MSN: variants seen among roughly 807,000 people sequenced by gnomAD.
MSN encodes the protein moesin, also known as epididymis luminal protein 70.
Under a neutral mutation model 48.0 loss-of-function variants are expected in MSN, and 2 were observed. The observed-to-expected ratio is 0.04, with a 90% CI of 0.02 to 0.13. The LOEUF (loss-of-function observed/expected upper bound fraction) is 0.13, where lower values mean the gene tolerates loss of function less well. Among genes scored for constraint, MSN ranks in the 10% least tolerant of loss-of-function variants. The pLI is 1.00. For synonymous variants in MSN, 146 were observed against 166.9 expected (o/e 0.87, Z 0.97); for missense variants, 267 against 470.1 (o/e 0.57, Z 3.99).
At chrX:65,614,669 T>C (rs896912909) in intron 1 of MSN, among the ~76,000 whole-genome samples, 1 of 55,444 alleles carries the variant, frequency 1.8e-5, no homozygotes, top group African/African-American at 6.4e-4. Flanking sequence ...GACTCTCTGT[T>C]TTTTTTTTTC....
chrX:65,617,999 C>T (rs1337011213), intron 1 of MSN, among the ~76,000 whole-genome samples: 1 of 108,662 alleles, frequency 9.2e-6, no homozygotes, highest in African/African-American at 3.4e-5. Context: ...TGTTCAGTTT[C>T]CATGTAGTTG....
At chrX:65,723,003 C>T (rs995064073) in intron 2 of MSN, among the ~76,000 whole-genome samples, 4 of 110,797 alleles carry the variant, frequency 3.6e-5, no homozygotes, top group Non-Finnish European at 7.6e-5. Flanking sequence ...TGATAATTAA[C>T]GAGGATGTAC....
intron 1 of MSN, among the ~76,000 whole-genome samples, chrX:65,610,407 C>T (rs1374990708): frequency 1.8e-5 from 2 of 112,439 alleles, no homozygotes; most frequent in African/African-American, 6.5e-5. Flanking sequence ...TTTCAAGGCT[C>T]ATTCACATTA....
intron 1 of MSN, among the ~76,000 whole-genome samples, chrX:65,591,614 G>A (rs1220162365): frequency 1.8e-5 from 2 of 111,755 alleles, no homozygotes; most frequent in Non-Finnish European, 3.8e-5. Flanking sequence ...GGCAATTCCT[G>A]CTAGTCAGGA....
intron 1 of MSN, among the ~76,000 whole-genome samples, chrX:65,696,635 G>A (rs777324426): frequency 4.5e-5 from 5 of 110,991 alleles, no homozygotes; most frequent in East Asian, 2.8e-4. Flanking sequence ...GTTCATGCTC[G>A]CTCACCTCAG....
intron 1 of MSN, among the ~76,000 whole-genome samples, chrX:65,693,297 T>A (rs1286656340): frequency 8.9e-6 from 1 of 112,357 alleles, no homozygotes; most frequent in East Asian, 2.8e-4. Flanking sequence ...GGGTTTTTTG[T>A]GTCTCTATCT....
intron 1 of MSN, among the ~76,000 whole-genome samples, chrX:65,660,538 G>A (rs2070814056): frequency 9.1e-6 from 1 of 109,700 alleles, no homozygotes; most frequent in African/African-American, 3.3e-5. Context: ...TAGGAGTGGT[G>A]AGAATGGGCA....
intron 1 of MSN, among the ~76,000 whole-genome samples, chrX:65,674,616 C>T (rs900444573): frequency 8.9e-6 from 1 of 112,028 alleles, no homozygotes; most frequent in Non-Finnish European, 1.9e-5. Flanking sequence ...TCTGACTCAG[C>T]GCTCCAGCTT....
chrX:65,716,952 A>G (rs368919596), intron 2 of MSN, 51 bp downstream of exon 2: 5 of 1,027,212 alleles, frequency 4.9e-6, no homozygotes, highest in Non-Finnish European at 2.7e-6. Flanking sequence ...AGCTTCCACC[A>G]CAATGCCAAC....
At chrX:65,737,599 G>A (rs756117809) in intron 10 of MSN, among the ~76,000 whole-genome samples, 30 of 112,089 alleles carry the variant, frequency 2.7e-4, no homozygotes, top group African/African-American at 9.1e-4. Flanking sequence ...GCAAAGGAAA[G>A]GGAAGGAGAA....
intron 1 of MSN, among the ~76,000 whole-genome samples, chrX:65,624,261 A>T (rs1240258124): frequency 2.7e-5 from 3 of 109,339 alleles, no homozygotes; most frequent in Non-Finnish European, 5.7e-5. Flanking sequence ...TATTTTTAAT[A>T]GAGATGGGGG....
intron 1 of MSN, among the ~76,000 whole-genome samples, chrX:65,653,898 C>T (rs778372404): frequency 1.9e-5 from 2 of 106,420 alleles, no homozygotes; most frequent in Admixed American, 1.0e-4. Flanking sequence ...CTCAGCCTCC[C>T]GAGTAGCTGG....
chrX:65,595,994 T>C (rs2070183907), intron 1 of MSN, among the ~76,000 whole-genome samples: 1 of 111,862 alleles, frequency 8.9e-6, no homozygotes, highest in South Asian at 3.7e-4. Context: ...GTCGTTGTGA[T>C]AGAGCTAGGA....
At chrX:65,623,368 C>CTTTTTTTTTTTTTTTTTTTTTTT (rs773663630) in intron 1 of MSN, among the ~76,000 whole-genome samples, 3 of 74,175 alleles carry the variant, frequency 4.0e-5, no homozygotes, top group Non-Finnish European at 5.5e-5. Flanking sequence ...TCTTTCTTTT[C>CTTTTTTTTTTTTTTTTTTTTTTT]TTTTTTTTTT....
intron 6 of MSN, 125 bp from the exon 7 acceptor site, chrX:65,733,059 T>TA (rs2071638776): frequency 1.1e-4 from 52 of 494,746 alleles, no homozygotes; most frequent in Middle Eastern, 5.9e-4. Flanking sequence ...TCTATTTATT[T>TA]TAAAAAAAAA....
intron 1 of MSN, among the ~76,000 whole-genome samples, chrX:65,636,352 A>G (rs1318017734): frequency 9.0e-6 from 1 of 111,310 alleles, no homozygotes; most frequent in Non-Finnish European, 1.9e-5. Flanking sequence ...GAACCTTCCA[A>G]ACTCTCTACC....
rs1407800960 is a variant in MSN at position 65,695,532 on chromosome X, A to AAAAAAAAAC, written c.13-21284_13-21283insAAAAAACAA. On this transcript the variant is annotated intron_variant, in intron 1 of 12. Transcript: ENST00000360270. ...CAAAAAAAAAAAAAAAAAAAAAAAA[A>AAAAAAAAAC]AACAAAGAAAGAAAGTATGTTGTCA... Among the ~76,000 whole-genome samples, 4 of 107,390 alleles carry AAAAAAAAAC rather than the reference A, an allele frequency of 3.7e-5. 1 individual carries two copies. The highest frequency in any genetic ancestry group is 1.4e-4 in the African/African-American group (4 of 29,307). The allele number at this position is 107,390 out of a possible 115,157, so 93.3% of individuals were successfully genotyped here.
intron 1 of MSN, among the ~76,000 whole-genome samples, chrX:65,649,551 A>T (rs1284488129): frequency 9.9e-6 from 1 of 100,625 alleles, no homozygotes; most frequent in African/African-American, 3.7e-5. Flanking sequence ...GCTCCAGCCT[A>T]GGTGACAGAG....
At chrX:65,722,421 G>A (rs983627213) in intron 2 of MSN, among the ~76,000 whole-genome samples, 2 of 109,345 alleles carry the variant, frequency 1.8e-5, no homozygotes, top group Admixed American at 1.9e-4. Context: ...GTGTGTGTGT[G>A]TGTGTGTGTG....
Sources: gnomAD v4.1 joint callset for allele counts (sites outside exome capture counted in the v4.1 genomes callset) on GRCh38, gnomAD v4.1.1 for gene constraint, MANE v1.5 for transcripts, NCBI Gene and HGNC (gene_info 2026-07-23, HGNC 2026-07-21) for gene names.